Variants in FGF12 observed in about 807,000 individuals in gnomAD.
FGF12 encodes the protein fibroblast growth factor 12B.
In FGF12, 14 loss-of-function variants were observed where a neutral mutation model predicts 23.6. The observed-to-expected ratio is 0.59, with a 90% confidence interval of 0.39 to 0.93. FGF12 has a LOEUF of 0.93. FGF12 is among the 40% of genes least tolerant of loss of function. FGF12 has a pLI of 0.00. For synonymous variants in FGF12, 62 were observed against 77.3 expected (o/e 0.80, Z 1.04); for missense variants, 175 against 217.8 (o/e 0.80, Z 1.24).
At chr3:192,354,185 T>C (rs993085382) in intron 3 of FGF12, among the ~76,000 whole-genome samples, 3 of 152,200 alleles carry the variant, frequency 2.0e-5, no homozygotes, top group Non-Finnish European at 4.4e-5. Flanking sequence ...AAACTCACAG[T>C]GAATTTAGTA....
chr3:192,349,202 A>G (rs1020745596), intron 3 of FGF12, among the ~76,000 whole-genome samples: 3 of 152,112 alleles, frequency 2.0e-5, no homozygotes, highest in African/African-American at 7.2e-5. Context: ...ATATGGACAA[A>G]TCTATACAAC....
intron 2 of FGF12, among the ~76,000 whole-genome samples, chr3:192,552,303 C>T (rs1196472319): frequency 6.6e-6 from 1 of 151,144 alleles, no homozygotes; most frequent in Non-Finnish European, 1.5e-5. Context: ...TGTGAAAATC[C>T]AGAGGAAGAA....
At chr3:192,568,460 T>G (rs1190894367) in intron 2 of FGF12, among the ~76,000 whole-genome samples, 3 of 152,074 alleles carry the variant, frequency 2.0e-5, no homozygotes, top group African/African-American at 7.2e-5. Context: ...TGCTGTATCC[T>G]CTCCTTGGGT....
intron 5 of FGF12, among the ~76,000 whole-genome samples, chr3:192,165,827 C>T (rs73191579): frequency 0.13 from 20,384 of 152,154 alleles, 1,594 homozygotes; most frequent in Admixed American, 0.18. Flanking sequence ...ACAGAGGTTA[C>T]GTGACATCAG....
At chr3:192,422,463 G>C (rs1002183518) in intron 2 of FGF12, among the ~76,000 whole-genome samples, 1 of 152,096 alleles carries the variant, frequency 6.6e-6, no homozygotes, top group Non-Finnish European at 1.5e-5. Context: ...AAAGTGAAAA[G>C]AGCATTGGTT....
intron 2 of FGF12, among the ~76,000 whole-genome samples, chr3:192,630,924 T>TC (rs1263732409): frequency 6.6e-6 from 1 of 151,622 alleles, no homozygotes; most frequent in African/African-American, 2.4e-5. Flanking sequence ...TCACTCTTCT[T>TC]CCCCCCAACA....
chr3:192,662,207 A>G (rs1716696301), intron 2 of FGF12, among the ~76,000 whole-genome samples: 1 of 152,222 alleles, frequency 6.6e-6, no homozygotes, highest in Admixed American at 6.5e-5. Context: ...AGAGAGTCAC[A>G]GTTAACTTTT....
chr3:192,335,372 G>A lies in FGF12; in HGVS notation c.217C>T (p.Leu73Phe). ...LYVAMNGEGY[L>F]YSSDVFTPEC... ...TACAATGTACTTACTGAACTGTAGAGATAGCCTTCACCATTCATGGCCACA... is the reference window on the plus strand; with the variant it reads ...TACAATGTACTTACTGAACTGTAGAAATAGCCTTCACCATTCATGGCCACA... Residue 73 changes from leucine to phenylalanine, a missense_variant, in exon 4 of 6, where the codon CTC becomes TTC. Physicochemically the swap from Leu to Phe is conservative, Grantham distance 22. Coordinates refer to ENST00000445105, the MANE Select transcript of FGF12 (RefSeq NM_004113.6). 1 of 1,609,858 alleles carries A rather than the reference G, an allele frequency of 6.2e-7. No homozygotes were observed. Among genetic ancestry groups the A allele is most frequent in the Non-Finnish European group, 8.5e-7 (1 of 1,176,386 alleles).
intron 4 of FGF12, among the ~76,000 whole-genome samples, chr3:192,293,193 C>G (rs1714852030): frequency 6.6e-6 from 1 of 151,898 alleles, no homozygotes; most frequent in Admixed American, 6.6e-5. Flanking sequence ...TTAATTCAAT[C>G]AAAGTTTTCT....
intron 2 of FGF12, among the ~76,000 whole-genome samples, chr3:192,472,978 C>T (rs1723214658): frequency 6.6e-6 from 1 of 152,148 alleles, no homozygotes; most frequent in African/African-American, 2.4e-5. Flanking sequence ...ATGTCTCTCT[C>T]CTTCATGGCA....
intron 2 of FGF12, among the ~76,000 whole-genome samples, chr3:192,459,337 C>T (rs1180863258): frequency 6.6e-6 from 1 of 152,142 alleles, no homozygotes; most frequent in Non-Finnish European, 1.5e-5. Context: ...AATAAAACGG[C>T]AACAAAATTT....
chr3:192,513,501 C>T (rs1234119308), intron 2 of FGF12, among the ~76,000 whole-genome samples: 1 of 151,936 alleles, frequency 6.6e-6, no homozygotes, highest in Non-Finnish European at 1.5e-5. Context: ...TGATGAGTAA[C>T]CACAAAGTCA....
intron 2 of FGF12, among the ~76,000 whole-genome samples, chr3:192,368,304 T>G (rs1404189252): frequency 1.3e-5 from 2 of 152,148 alleles, no homozygotes; most frequent in Non-Finnish European, 2.9e-5. Context: ...ACATAAAGCG[T>G]GCATTCTAGT....
intron 2 of FGF12, among the ~76,000 whole-genome samples, chr3:192,425,537 A>G (rs969748701): frequency 6.6e-6 from 1 of 152,216 alleles, no homozygotes; most frequent in African/African-American, 2.4e-5. Context: ...CATTTCTCAT[A>G]TGTCAAACTC....
chr3:192,526,084 CCATGTT>C (rs1215927804), intron 2 of FGF12, among the ~76,000 whole-genome samples: 1 of 152,168 alleles, frequency 6.6e-6, no homozygotes, highest in East Asian at 1.9e-4. Context: ...AGTCACACTT[CCATGTT>C]CATGTCTACA....
chr3:192,411,196 G>C (rs374570169), intron 2 of FGF12, among the ~76,000 whole-genome samples: 15 of 152,162 alleles, frequency 9.9e-5, no homozygotes, highest in African/African-American at 3.4e-4. Context: ...ATTCACTTGG[G>C]CAATAAGAAG....
chr3:192,655,409 A>T (rs1385276750), intron 2 of FGF12, among the ~76,000 whole-genome samples: 1 of 152,196 alleles, frequency 6.6e-6, no homozygotes, highest in Non-Finnish European at 1.5e-5. Context: ...TGCAATAGAC[A>T]GACAGACATC....
chr3:192,455,063 C>T (rs7623470), intron 2 of FGF12, among the ~76,000 whole-genome samples: 16,597 of 152,144 alleles, frequency 0.11, 2,971 homozygotes, highest in African/African-American at 0.37. Context: ...TTTACTTTTA[C>T]TGAACTTCTA....
chr3:192,407,723 T>G (rs2692698), intron 2 of FGF12, among the ~76,000 whole-genome samples: 36,994 of 147,456 alleles, frequency 0.25, 5,853 homozygotes, highest in Non-Finnish European at 0.35. Context: ...ATGAATGAAT[T>G]AATGAATGAA....
Sources: gnomAD v4.1 joint callset for allele counts (sites outside exome capture counted in the v4.1 genomes callset) on GRCh38, gnomAD v4.1.1 for gene constraint, MANE v1.5 for transcripts, NCBI Gene and HGNC (gene_info 2026-07-23, HGNC 2026-07-21) for gene names.